Variants in UST observed in about 807,000 individuals in gnomAD.
UST encodes chondroitin sulfate 2-O-sulfotransferase.
In UST, 21 loss-of-function variants were observed where a neutral mutation model predicts 45.6. That is an observed-to-expected ratio of 0.46 (90% CI 0.33 to 0.66). UST has a LOEUF of 0.66. UST is among the 30% of genes least tolerant of loss of function. The probability of loss-of-function intolerance (pLI) is 0.02; values close to 1 mark genes in which losing one functional copy is unlikely to be tolerated. For synonymous variants in UST, 215 were observed against 200.6 expected (o/e 1.07, Z -0.61); for missense variants, 463 against 512.4 (o/e 0.90, Z 0.93).
intron 7 of UST, among the ~76,000 whole-genome samples, chr6:149,041,553 G>A (rs1044645685): frequency 2.0e-5 from 3 of 152,188 alleles, no homozygotes; most frequent in Non-Finnish European, 4.4e-5. Flanking sequence ...TGCACACCAG[G>A]CCTTCAGTTT....
chr6:148,852,241 C>T (rs1002814333), intron 1 of UST, among the ~76,000 whole-genome samples: 1 of 152,160 alleles, frequency 6.6e-6, no homozygotes, highest in Non-Finnish European at 1.5e-5. Flanking sequence ...GGACAGAGCC[C>T]ACTGATTTTT....
At chr6:148,782,116 C>T (rs1776654741) in intron 1 of UST, among the ~76,000 whole-genome samples, 1 of 152,162 alleles carries the variant, frequency 6.6e-6, no homozygotes, top group Non-Finnish European at 1.5e-5. Flanking sequence ...TCAGCTCTGT[C>T]ACCCAGGCTG....
chr6:148,851,673 A>C (rs1468636563), intron 1 of UST, among the ~76,000 whole-genome samples: 3 of 152,216 alleles, frequency 2.0e-5, no homozygotes, highest in Non-Finnish European at 4.4e-5. Flanking sequence ...CCATAGAAAT[A>C]AGAAGAATGT....
At chr6:148,917,043 G>C (rs747892120) in intron 2 of UST, among the ~76,000 whole-genome samples, 1 of 152,182 alleles carries the variant, frequency 6.6e-6, no homozygotes, top group Non-Finnish European at 1.5e-5. Context: ...AGTGTGCAAA[G>C]AGGAGAAAGG....
chr6:148,835,689 G>A (rs1436601086), intron 1 of UST, among the ~76,000 whole-genome samples: 11 of 152,142 alleles, frequency 7.2e-5, no homozygotes, highest in Non-Finnish European at 8.8e-5. Context: ...ATACTGGCCA[G>A]TCTCCATGAC....
chr6:148,834,730 A>G (rs1008775717), intron 1 of UST, among the ~76,000 whole-genome samples: 1 of 152,224 alleles, frequency 6.6e-6, no homozygotes, highest in African/African-American at 2.4e-5. Flanking sequence ...TCCTGTTTCA[A>G]AAAACAAGAA....
chr6:148,942,443 A>G (rs1256366206), intron 3 of UST, among the ~76,000 whole-genome samples: 1 of 152,188 alleles, frequency 6.6e-6, no homozygotes, highest in African/African-American at 2.4e-5. Context: ...CTGTAGTCCC[A>G]GCTATTCGGG....
chr6:148,771,404 C>T (rs190373518), intron 1 of UST, among the ~76,000 whole-genome samples: 365 of 152,294 alleles, frequency 2.4e-3, no homozygotes, highest in Admixed American at 5.2e-3. Context: ...AGCCTTCCAA[C>T]GCTTGTTGGA....
chr6:148,964,706 A>T, intron 5 of UST, 143 bp downstream of exon 5: 1 of 1,062,032 alleles, frequency 9.4e-7, no homozygotes, highest in Non-Finnish European at 1.3e-6. Flanking sequence ...TTCCGCAGGA[A>T]GGAGGTCTTG....
chr6:148,958,631 T>A (rs551034218), intron 4 of UST, among the ~76,000 whole-genome samples: 1 of 152,356 alleles, frequency 6.6e-6, no homozygotes, highest in South Asian at 2.1e-4. Flanking sequence ...AGATCAACTT[T>A]CCAACATCAA....
At chr6:148,774,959 A>C (rs1167606153) in intron 1 of UST, among the ~76,000 whole-genome samples, 10 of 152,142 alleles carry the variant, frequency 6.6e-5, no homozygotes, top group Non-Finnish European at 1.5e-4. Flanking sequence ...CGGGGGTTGC[A>C]GTCAGCCGAG....
At chr6:148,852,872 C>T (rs1195810771) in intron 1 of UST, among the ~76,000 whole-genome samples, 2 of 152,164 alleles carry the variant, frequency 1.3e-5, no homozygotes, top group African/African-American at 4.8e-5. Context: ...CCCCCCAACC[C>T]CCATGTGTTA....
chr6:148,797,099 G>A (rs1030773127), intron 1 of UST, among the ~76,000 whole-genome samples: 7 of 152,010 alleles, frequency 4.6e-5, no homozygotes, highest in Admixed American at 1.3e-4. Context: ...AACCTTCTCC[G>A]ATAATTCTTA....
intron 5 of UST, among the ~76,000 whole-genome samples, chr6:148,966,799 A>T (rs561981329): frequency 1.3e-5 from 2 of 152,254 alleles, no homozygotes; most frequent in East Asian, 3.9e-4. Flanking sequence ...CGCAGTGGCA[A>T]GATCTCTGCT....
chr6:148,895,794 T>C (rs1779116970), intron 2 of UST, among the ~76,000 whole-genome samples: 1 of 152,260 alleles, frequency 6.6e-6, no homozygotes, highest in Non-Finnish European at 1.5e-5. Context: ...TGTGGAACTG[T>C]GACTCCGTCA....
At chr6:148,889,297 GT>G (rs1290947205) in intron 2 of UST, among the ~76,000 whole-genome samples, 1 of 152,206 alleles carries the variant, frequency 6.6e-6, no homozygotes, top group Non-Finnish European at 1.5e-5. Flanking sequence ...TTTCTGTGGT[GT>G]TTTTACTGTT....
chr6:148,864,662 A>G (rs1445502066), intron 1 of UST, among the ~76,000 whole-genome samples: 1 of 152,224 alleles, frequency 6.6e-6, no homozygotes, highest in Admixed American at 6.5e-5. Flanking sequence ...AATCCAATCA[A>G]GTTGACGCTC....
At chr6:149,062,654 G>A (rs576459462) in intron 7 of UST, among the ~76,000 whole-genome samples, 2 of 152,242 alleles carry the variant, frequency 1.3e-5, no homozygotes, top group Admixed American at 6.5e-5. Flanking sequence ...GGAGAAGTGG[G>A]TGGTTATAGA....
At chr6:149,051,417 G>A (rs1400032444) in intron 7 of UST, among the ~76,000 whole-genome samples, 2 of 152,198 alleles carry the variant, frequency 1.3e-5, no homozygotes, top group South Asian at 4.1e-4. Context: ...TCTGGAAAAA[G>A]TGGAAAGGCC....
Sources: allele counts gnomAD v4.1 joint callset (sites outside exome capture counted in the v4.1 genomes callset), GRCh38; gene constraint gnomAD v4.1.1; transcripts MANE v1.5; gene names NCBI Gene and HGNC (gene_info 2026-07-23, HGNC 2026-07-21).